Variants in FSTL5 observed in about 807,000 individuals in gnomAD.
FSTL5 encodes follistatin-related protein 5.
Under a neutral mutation model 89.1 loss-of-function variants are expected in FSTL5, and 62 were observed. The ratio of observed to expected loss-of-function variants is 0.70; its 90% CI spans 0.57 to 0.86. The LOEUF (loss-of-function observed/expected upper bound fraction) is 0.86. Ranked by LOEUF, FSTL5 falls within the 40% of genes least tolerant of loss-of-function variation. The pLI is 0.00. For missense variants in FSTL5, 1,057 were observed against 1,001.6 expected, an observed-to-expected ratio of 1.06 and a Z score of -0.75; for synonymous variants, 383 against 346.2, an observed-to-expected ratio of 1.11 and a Z score of -1.18.
chr4:161,978,394 C>CT (rs1055381757), intron 3 of FSTL5, among the ~76,000 whole-genome samples: 2 of 151,718 alleles, frequency 1.3e-5, no homozygotes, highest in African/African-American at 2.4e-5. Context: ...TCAGACATAA[C>CT]TTTTTTTTGT....
At chr4:162,141,071 G>C (rs1202018873) in intron 1 of FSTL5, among the ~76,000 whole-genome samples, 1 of 145,914 alleles carries the variant, frequency 6.9e-6, no homozygotes, top group Non-Finnish European at 1.5e-5. Context: ...TCAAGAGTTG[G>C]TTGCTTAAGA....
intron 4 of FSTL5, among the ~76,000 whole-genome samples, chr4:161,877,141 G>A (rs944309923): frequency 2.4e-4 from 34 of 144,156 alleles, no homozygotes; most frequent in Admixed American, 1.1e-3. Flanking sequence ...CCGAGATCGC[G>A]CCCTTGCACT....
intron 10 of FSTL5, among the ~76,000 whole-genome samples, chr4:161,514,723 A>C (rs1730758013): frequency 6.6e-6 from 1 of 152,164 alleles, no homozygotes; most frequent in African/African-American, 2.4e-5. Flanking sequence ...AGAAACAAAT[A>C]TAAATTGTAT....
intron 6 of FSTL5, among the ~76,000 whole-genome samples, chr4:161,756,556 T>C (rs1202229825): frequency 6.6e-6 from 1 of 152,132 alleles, no homozygotes; most frequent in African/African-American, 2.4e-5. Context: ...AACTTTTTAT[T>C]GATTATTTAG....
chr4:162,102,031 T>C (rs1416077997), intron 2 of FSTL5, among the ~76,000 whole-genome samples: 1 of 152,174 alleles, frequency 6.6e-6, no homozygotes, highest in Non-Finnish European at 1.5e-5. Context: ...ACCACACCTA[T>C]ATTTTATTTT....
At chr4:161,547,804 A>G (rs1732057128) in intron 8 of FSTL5, among the ~76,000 whole-genome samples, 1 of 151,930 alleles carries the variant, frequency 6.6e-6, no homozygotes, top group South Asian at 2.1e-4. Context: ...AGTAAATTAA[A>G]ATACAAAAGA....
At chr4:161,673,444 A>C (rs1178732925) in intron 6 of FSTL5, among the ~76,000 whole-genome samples, 1 of 152,068 alleles carries the variant, frequency 6.6e-6, no homozygotes, top group African/African-American at 2.4e-5. Context: ...AAAATTAAAT[A>C]CATTTCTTCC....
intron 4 of FSTL5, among the ~76,000 whole-genome samples, chr4:161,902,110 C>G (rs1365054755): frequency 6.6e-6 from 1 of 152,070 alleles, no homozygotes; most frequent in African/African-American, 2.4e-5. Flanking sequence ...AAAATACTTA[C>G]CAACTTTATA....
At chr4:162,084,387 A>G (rs1028129410) in intron 2 of FSTL5, among the ~76,000 whole-genome samples, 1 of 152,022 alleles carries the variant, frequency 6.6e-6, no homozygotes, top group African/African-American at 2.4e-5. Context: ...AAACCAGTCA[A>G]TCATTTGGAA....
chr4:161,471,197 C>A (rs56999097), intron 13 of FSTL5, among the ~76,000 whole-genome samples: 4,099 of 152,264 alleles, frequency 0.027, 186 homozygotes, highest in African/African-American at 0.093. Flanking sequence ...GAATTTTTTC[C>A]CACATGGGTT....
At chr4:161,966,406 C>A (rs528407333) in intron 3 of FSTL5, among the ~76,000 whole-genome samples, 50 of 152,078 alleles carry the variant, frequency 3.3e-4, no homozygotes, top group African/African-American at 1.2e-3. Context: ...AAGGAAATTT[C>A]TATTAAAAAG....
intron 4 of FSTL5, among the ~76,000 whole-genome samples, chr4:161,879,045 T>C (rs1238212604): frequency 6.6e-6 from 1 of 152,150 alleles, no homozygotes; most frequent in Admixed American, 6.5e-5. Flanking sequence ...TAATACTCAC[T>C]CCCAAAAGCA....
chr4:161,449,897 C>T (rs1733101377), intron 15 of FSTL5, among the ~76,000 whole-genome samples: 1 of 152,134 alleles, frequency 6.6e-6, no homozygotes, highest in Non-Finnish European at 1.5e-5. Flanking sequence ...CTCTTGCCAA[C>T]ACATCTTATT....
chr4:161,852,873 T>C (rs9996596), intron 4 of FSTL5, among the ~76,000 whole-genome samples: 1 of 151,940 alleles, frequency 6.6e-6, no homozygotes, highest in Non-Finnish European at 1.5e-5. Flanking sequence ...TCAGGAAGAA[T>C]AGCTAATGGA....
At chr4:161,931,727 G>C (rs1734290012) in intron 3 of FSTL5, among the ~76,000 whole-genome samples, 1 of 151,904 alleles carries the variant, frequency 6.6e-6, no homozygotes, top group Non-Finnish European at 1.5e-5. Context: ...AAGTCAGATA[G>C]GTCTGACTGA....
At chr4:162,056,195 A>G (rs2111269043) in intron 2 of FSTL5, among the ~76,000 whole-genome samples, 1 of 152,148 alleles carries the variant, frequency 6.6e-6, no homozygotes, top group African/African-American at 2.4e-5. Context: ...CAGAATATAT[A>G]AAGCACTAAA....
chr4:161,967,221 CTGA>C (rs1735355036), intron 3 of FSTL5, among the ~76,000 whole-genome samples: 1 of 152,028 alleles, frequency 6.6e-6, no homozygotes, highest in Non-Finnish European at 1.5e-5. Flanking sequence ...AGAGGCACAG[CTGA>C]TGAAGGGTTT....
chr4:161,805,894 C>G (rs79667259), intron 4 of FSTL5, among the ~76,000 whole-genome samples: 5 of 152,024 alleles, frequency 3.3e-5, no homozygotes, highest in African/African-American at 1.2e-4. Context: ...ATATTACATA[C>G]AGTAAGATAT....
intron 15 of FSTL5, among the ~76,000 whole-genome samples, chr4:161,453,084 G>A (rs540650232): frequency 7.9e-5 from 12 of 152,124 alleles, no homozygotes; most frequent in Admixed American, 2.0e-4. Flanking sequence ...TGCCACCAAA[G>A]TCTATACTCT....
Sources: allele counts gnomAD v4.1 joint callset (sites outside exome capture counted in the v4.1 genomes callset), GRCh38; gene constraint gnomAD v4.1.1; transcripts MANE v1.5; gene names NCBI Gene and HGNC (gene_info 2026-07-23, HGNC 2026-07-21).